RFPL1: variants seen among roughly 807,000 people sequenced by gnomAD.
The protein encoded by RFPL1 is ret finger protein like 1.
A neutral mutation model predicts 9.6 loss-of-function variants in RFPL1; 6 were observed. The observed-to-expected ratio is 0.62, with a 90% CI of 0.34 to 1.23. The LOEUF (loss-of-function observed/expected upper bound fraction) is 1.23. Ranked by LOEUF, RFPL1 falls within the 50% of genes most tolerant of loss-of-function variation. RFPL1 has a pLI of 0.03. For synonymous variants in RFPL1, 145 were observed against 149.4 expected, an observed-to-expected ratio of 0.97 and a Z score of 0.22; for missense variants, 352 against 398.4, an observed-to-expected ratio of 0.88 and a Z score of 0.99.
chr22:29,400,969 C>A, the RFPL1 span, among the ~76,000 whole-genome samples: 30 of 152,350 alleles, frequency 2.0e-4, no homozygotes, highest in Non-Finnish European at 3.8e-4. Flanking sequence ...ACCAGATCAG[C>A]CATTGCTGAT....
At chr22:29,389,558 C>T in the RFPL1 span, among the ~76,000 whole-genome samples, 26 of 144,862 alleles carry the variant, frequency 1.8e-4, no homozygotes, top group African/African-American at 6.4e-4. Context: ...TGGTGGCAGG[C>T]GCCTGTAGTC....
chr22:29,436,356 C>T (rs578189105), upstream of RFPL1, among the ~76,000 whole-genome samples: 12 of 151,490 alleles, frequency 7.9e-5, no homozygotes, highest in African/African-American at 2.4e-4. Context: ...TTTGGGAGGC[C>T]GAGGCAGGCG....
At chr22:29,388,713 C>G in the RFPL1 span, 25 of 152,498 alleles carry the variant, frequency 1.6e-4, no homozygotes, top group African/African-American at 5.8e-4. Context: ...CGCGGCGCTG[C>G]TATGCTGCAG....
At chr22:29,419,794 C>G in the RFPL1 span, among the ~76,000 whole-genome samples, 1 of 145,258 alleles carries the variant, frequency 6.9e-6, no homozygotes, top group South Asian at 2.2e-4. Flanking sequence ...AAGTGAGATC[C>G]TCTCTCCAAA....
exon 2 of RFPL1, chr22:29,441,741 A>G (rs772589466): frequency 6.2e-7 from 1 of 1,613,960 alleles, no homozygotes; most frequent in Non-Finnish European, 8.5e-7. Context: ...CAAGCACAGA[A>G]TGGGACCTGG....
At chr22:29,401,408 C>T in the RFPL1 span, among the ~76,000 whole-genome samples, 4 of 152,230 alleles carry the variant, frequency 2.6e-5, no homozygotes, top group African/African-American at 7.2e-5. Flanking sequence ...TTCAACCAGA[C>T]GGTTCCATTT....
the RFPL1 span, among the ~76,000 whole-genome samples, chr22:29,403,358 C>G: frequency 3.3e-5 from 5 of 151,904 alleles, no homozygotes; most frequent in Non-Finnish European, 7.4e-5. Flanking sequence ...GCTAAGGCCT[C>G]GTACACGTAG....
the RFPL1 span, chr22:29,419,096 G>A: frequency 9.2e-7 from 1 of 1,081,354 alleles, no homozygotes; most frequent in Non-Finnish European, 1.4e-6. Flanking sequence ...GTGGACCCAA[G>A]CTATAAACCC....
the RFPL1 span, among the ~76,000 whole-genome samples, chr22:29,418,956 C>T: frequency 6.6e-6 from 1 of 152,202 alleles, no homozygotes; most frequent in African/African-American, 2.4e-5. Flanking sequence ...ACTCCATCAC[C>T]ACCTGACCTG....
At chr22:29,403,940 C>G in the RFPL1 span, among the ~76,000 whole-genome samples, 1 of 152,302 alleles carries the variant, frequency 6.6e-6, no homozygotes, top group Non-Finnish European at 1.5e-5. Flanking sequence ...AGGGTATACT[C>G]CATAAATATG....
intron 1 of RFPL1, 107 bp downstream of exon 1, chr22:29,439,271 A>C: frequency 7.1e-7 from 1 of 1,409,044 alleles, no homozygotes; most frequent in Non-Finnish European, 9.7e-7. Context: ...TCTGGCACCT[A>C]AAATTGAGAT....
chr22:29,388,016 T>G, the RFPL1 span, among the ~76,000 whole-genome samples: 3 of 151,700 alleles, frequency 2.0e-5, no homozygotes, highest in Non-Finnish European at 4.4e-5. Context: ...CGTTTTCTAG[T>G]TTTTTTTTCT....
the RFPL1 span, among the ~76,000 whole-genome samples, chr22:29,392,346 C>G: frequency 7.7e-6 from 1 of 130,542 alleles, no homozygotes; most frequent in South Asian, 2.6e-4. Flanking sequence ...TCCCACAGTG[C>G]TGGGATTATA....
the RFPL1 span, among the ~76,000 whole-genome samples, chr22:29,392,980 G>A: frequency 6.6e-6 from 1 of 152,218 alleles, no homozygotes; most frequent in Non-Finnish European, 1.5e-5. Context: ...ACAGTGAACA[G>A]GGTATGGCAC....
At chr22:29,425,203 CAAAAAAAA>C in the RFPL1 span, among the ~76,000 whole-genome samples, 1 of 78,526 alleles carries the variant, frequency 1.3e-5, no homozygotes, top group Non-Finnish European at 2.6e-5. Flanking sequence ...GACTCCGTCT[CAAAAAAAA>C]AAAAAAAAAA....
chr22:29,389,800 T>TTTTTG, the RFPL1 span, among the ~76,000 whole-genome samples: 1 of 151,876 alleles, frequency 6.6e-6, no homozygotes, highest in Admixed American at 6.6e-5. Context: ...ATTTGTTTTT[T>TTTTTG]TTTGTTTGTT....
At chr22:29,430,493 T>A in the RFPL1 span, among the ~76,000 whole-genome samples, 4 of 152,278 alleles carry the variant, frequency 2.6e-5, no homozygotes, top group East Asian at 3.9e-4. Flanking sequence ...TCAAAGTTTT[T>A]AAAAATCTTA....
At chr22:29,424,538 G>A in the RFPL1 span, among the ~76,000 whole-genome samples, 1 of 151,952 alleles carries the variant, frequency 6.6e-6, no homozygotes, top group South Asian at 2.1e-4. Context: ...GTAAGTGGCT[G>A]GGCTGGGAGA....
the RFPL1 span, among the ~76,000 whole-genome samples, chr22:29,413,005 C>A: frequency 1.3e-5 from 2 of 152,056 alleles, no homozygotes; most frequent in Admixed American, 1.3e-4. Flanking sequence ...ATATCCCCAG[C>A]CCCACACAGT....
Sources: gnomAD v4.1 joint callset for allele counts (sites outside exome capture counted in the v4.1 genomes callset) on GRCh38, gnomAD v4.1.1 for gene constraint, MANE v1.5 for transcripts, NCBI Gene and HGNC (gene_info 2026-07-23, HGNC 2026-07-21) for gene names.